The following ITGBL1 variants were observed in gnomAD, a reference collection of about 807,000 sequenced individuals.
ITGBL1 encodes the protein integrin beta-like protein 1.
A neutral mutation model predicts 68.5 loss-of-function variants in ITGBL1; 51 were observed. That is an observed-to-expected ratio of 0.74 (90% CI 0.59 to 0.94). The LOEUF (loss-of-function observed/expected upper bound fraction) is 0.94. Among genes scored for constraint, ITGBL1 ranks in the 40% least tolerant of loss-of-function variants. ITGBL1 has a pLI of 0.00. For synonymous variants in ITGBL1, 209 were observed against 227.3 expected, an observed-to-expected ratio of 0.92 and a Z score of 0.72; for missense variants, 649 against 647.4, an observed-to-expected ratio of 1.00 and a Z score of -0.03.
chr13:101,693,207 G>A (rs1439383719), intron 8 of ITGBL1, among the ~76,000 whole-genome samples: 1 of 152,138 alleles, frequency 6.6e-6, no homozygotes, highest in Non-Finnish European at 1.5e-5. Flanking sequence ...GTGAGCAGAG[G>A]TAACCCACAA....
At chr13:101,526,155 C>CTTCTTTTT (rs368448615) in intron 2 of ITGBL1, among the ~76,000 whole-genome samples, 1 of 136,552 alleles carries the variant, frequency 7.3e-6, no homozygotes, top group Non-Finnish European at 1.6e-5. Context: ...TCTTCTTCTT[C>CTTCTTTTT]TTTTTTTTTT....
rs542908254 is a variant in ITGBL1 at position 101,706,999 on chromosome 13, A to G, written c.1279+97A>G. Reference sequence around the variant, plus strand: ...CTGTCTTTCCCAGACTGAACTTTGCATGAAAGCAAACCACTATGTCCTCTG... The same window carrying G: ...CTGTCTTTCCCAGACTGAACTTTGCGTGAAAGCAAACCACTATGTCCTCTG... On this transcript the variant is annotated intron_variant, in intron 9 of 10. Transcript: ENST00000376180. 2.7e-4 allele frequency: 354 copies of G among 1,315,984 alleles called. 2 individuals carry two copies. Among genetic ancestry groups the G allele is most frequent in the Middle Eastern group, 2.6e-3 (13 of 4,978 alleles). 81.5% of individuals were successfully genotyped at this position (1,315,984 alleles called of 1,614,324 possible). A position where few individuals can be genotyped will look rare whatever the true frequency, so the allele number is the denominator to read the frequency against.
At chr13:101,661,255 C>T (rs78902981) in intron 7 of ITGBL1, among the ~76,000 whole-genome samples, 3,008 of 151,940 alleles carry the variant, frequency 0.02, 81 homozygotes, top group African/African-American at 0.068. Flanking sequence ...ATTTTTTGGT[C>T]TTCAGTTTCG....
At chr13:101,669,227 C>A (rs2033298032) in intron 7 of ITGBL1, among the ~76,000 whole-genome samples, 1 of 151,420 alleles carries the variant, frequency 6.6e-6, no homozygotes, top group African/African-American at 2.4e-5. Context: ...CAAAAAGAAG[C>A]CAATAATTAG....
rs183973156 is a variant in ITGBL1, at chr13:101,566,533, A to G, written c.317-1166A>G. On this transcript the variant is annotated intron_variant, in intron 2 of 10. Transcript: ENST00000376180. ...TTTTATAAATGCAACAGAAATAGGAACATTTACATGGACTGGTCCACATAA... is the reference window on the plus strand; with the variant it reads ...TTTTATAAATGCAACAGAAATAGGAGCATTTACATGGACTGGTCCACATAA... Among the ~76,000 whole-genome samples, 14 of 152,282 alleles carry G rather than the reference A, an allele frequency of 9.2e-5. No individual in the cohort carries two copies. In the East Asian group the frequency reaches 2.7e-3, roughly 29 times the overall value.
chr13:101,713,406 C>A (rs1440755857), intron 9 of ITGBL1: 1 of 152,098 alleles, frequency 6.6e-6, no homozygotes, highest in Non-Finnish European at 1.5e-5. Flanking sequence ...TCAAAATACT[C>A]TTTTCAACTG....
chr13:101,585,867 A>G (rs2050547172), intron 6 of ITGBL1, among the ~76,000 whole-genome samples: 1 of 152,168 alleles, frequency 6.6e-6, no homozygotes, highest in African/African-American at 2.4e-5. Flanking sequence ...CCTTTTTCCT[A>G]TGGGTATTCA....
chr13:101,584,444 C>T (rs1237452648), intron 6 of ITGBL1, among the ~76,000 whole-genome samples: 3 of 152,072 alleles, frequency 2.0e-5, no homozygotes, highest in African/African-American at 7.2e-5. Flanking sequence ...GCTTGACTGC[C>T]TCATTGGTGC....
At chr13:101,576,192 A>C (rs143627666) in intron 4 of ITGBL1, among the ~76,000 whole-genome samples, 1 of 152,288 alleles carries the variant, frequency 6.6e-6, no homozygotes, top group Non-Finnish European at 1.5e-5. Context: ...GGAACCTGGG[A>C]CGTGGATAAA....
intron 7 of ITGBL1, among the ~76,000 whole-genome samples, chr13:101,620,041 C>T (rs928515198): frequency 3.9e-5 from 6 of 152,092 alleles, no homozygotes; most frequent in Non-Finnish European, 7.4e-5. Context: ...CATATTTTAA[C>T]CAAGCATAAT....
intron 7 of ITGBL1, among the ~76,000 whole-genome samples, chr13:101,611,476 C>G (rs985105904): frequency 4.6e-5 from 7 of 152,134 alleles, no homozygotes; most frequent in African/African-American, 1.7e-4. Flanking sequence ...AAAATGACAA[C>G]TGTCAGCAGT....
chr13:101,567,902 T>C, intron 3 of ITGBL1, 57 bp downstream of exon 3: 1 of 1,378,494 alleles, frequency 7.3e-7, no homozygotes, highest in Non-Finnish European at 1.0e-6. Context: ...TTGTTTTTAA[T>C]GGAAATATGT....
chr13:101,610,878 T>A (rs2031095707), intron 7 of ITGBL1, among the ~76,000 whole-genome samples: 1 of 152,140 alleles, frequency 6.6e-6, no homozygotes, highest in South Asian at 2.1e-4. Context: ...TATGGCTTCA[T>A]GAAATGAGTG....
At chr13:101,510,739 T>C (rs548126251) in intron 2 of ITGBL1, among the ~76,000 whole-genome samples, 2 of 152,164 alleles carry the variant, frequency 1.3e-5, no homozygotes, top group Non-Finnish European at 1.5e-5. Context: ...TGCATTTTGA[T>C]GATGATTAGT....
At chr13:101,615,796 A>G (rs996507) in intron 7 of ITGBL1, among the ~76,000 whole-genome samples, 33,190 of 151,866 alleles carry the variant, frequency 0.22, 4,269 homozygotes, top group East Asian at 0.45. Context: ...AAAAGTAATT[A>G]TAATAATAAT....
chr13:101,557,156 C>T (rs1416029864), intron 2 of ITGBL1, among the ~76,000 whole-genome samples: 2 of 152,112 alleles, frequency 1.3e-5, no homozygotes, highest in African/African-American at 4.8e-5. Context: ...ACCAGTGGAA[C>T]TTAGGATGAA....
chr13:101,604,950 ACATGTGTATATGTATATATACATATATGC>A (rs2030643879), intron 7 of ITGBL1, among the ~76,000 whole-genome samples: 2 of 10,312 alleles, frequency 1.9e-4, no homozygotes, highest in Non-Finnish European at 9.5e-4. Context: ...ATATATGTGT[ACATGTGTATATGTATATATACATATATGC>A]GTACATGTGT....
chr13:101,601,830 T>C (rs1213884320), intron 7 of ITGBL1, among the ~76,000 whole-genome samples: 4 of 152,140 alleles, frequency 2.6e-5, no homozygotes, highest in Admixed American at 6.6e-5. Context: ...TTCTTTTACA[T>C]TTGCTGAGGA....
intron 2 of ITGBL1, among the ~76,000 whole-genome samples, chr13:101,499,264 C>T (rs868420568): frequency 1.2e-4 from 18 of 152,306 alleles, no homozygotes; most frequent in Middle Eastern, 3.4e-3. Context: ...TTATGCTTTA[C>T]AAACTTTATC....
Sources: gnomAD v4.1 joint callset for allele counts (sites outside exome capture counted in the v4.1 genomes callset) on GRCh38, gnomAD v4.1.1 for gene constraint, MANE v1.5 for transcripts, NCBI Gene and HGNC (gene_info 2026-07-23, HGNC 2026-07-21) for gene names.